CCSAP: variants seen among roughly 807,000 people sequenced by gnomAD.
CCSAP encodes centriole, cilia and spindle-associated protein.
A neutral mutation model predicts 25.9 loss-of-function variants in CCSAP; 17 were observed. The observed-to-expected ratio is 0.66, with a 90% CI of 0.45 to 0.99. The LOEUF is 0.99. Ranked by LOEUF, CCSAP falls within the 50% of genes least tolerant of loss-of-function variation. The pLI is 0.00. For missense variants in CCSAP, 339 were observed against 367.8 expected (o/e 0.92, Z 0.64); for synonymous variants, 169 against 157.1 (o/e 1.08, Z -0.57).
In CCSAP at chr1:229,342,308, C is replaced by A. The variant is rs1311499050; in HGVS notation, c.158G>T (p.Gly53Val). 1 of 1,464,710 alleles carries A rather than the reference C, an allele frequency of 6.8e-7. No homozygotes were observed. Among genetic ancestry groups the A allele is most frequent in the Non-Finnish European group, 9.0e-7 (1 of 1,109,482 alleles). 90.7% of individuals were successfully genotyped at this position (1,464,710 alleles called of 1,614,324 possible). The change falls in exon 2 of 4, where the codon GGC (glycine) becomes GTC (valine). Residue 53 changes from glycine (G) to valine (V), a missense_variant. Gly to Val is a moderately radical substitution (Grantham distance 109). Coordinates refer to ENST00000284617, the MANE Select transcript of CCSAP (RefSeq NM_145257.5). This position sits in a 1 kb window ranked among gnomAD's most constrained non-coding sequence, Gnocchi z 7.5. ...AHAPWLWDDW[G>V]PAGSSEDSAS... is the part of the protein sequence containing the mutation. ...CGAGTCCTCCGAGGAGCCGGCCGGG[C>A]CCCAGTCGTCCCAGAGCCAGGGCGC...
chr1:229,336,360 G>T (rs1031235429), intron 2 of CCSAP, among the ~76,000 whole-genome samples: 3 of 151,848 alleles, frequency 2.0e-5, no homozygotes, highest in African/African-American at 7.3e-5. Context: ...CTAGGGACAG[G>T]AGAAACCAAG....
rs969867088 is a variant in CCSAP, at chr1:229,325,511, G to A, written c.637-100C>T. 4 of 1,075,392 alleles carry A rather than the reference G, an allele frequency of 3.7e-6. No homozygotes were observed. The African/African-American group carries it at 4.7e-5, about 13-fold the overall frequency. 66.6% of individuals were successfully genotyped at this position (1,075,392 alleles called of 1,614,324 possible). A position where few individuals can be genotyped will look rare whatever the true frequency, so the allele number is the denominator to read the frequency against. ...GCTGGCTACTGCCAGGTCAACTGCAGCAGGGCAGAGTCAAGCCCTGCCTCT... is the reference window on the plus strand; with the variant it reads ...GCTGGCTACTGCCAGGTCAACTGCAACAGGGCAGAGTCAAGCCCTGCCTCT... On this transcript the variant is annotated intron_variant, in intron 3 of 3. Transcript: ENST00000284617.
chr1:229,342,166 G>GGCCC lies in CCSAP; in HGVS notation c.296_299dup (p.Pro101GlyfsTer33). 1.5e-6 allele frequency: 2 copies of GGCCC among 1,296,378 alleles called. No homozygotes were observed. The highest frequency in any genetic ancestry group is 2.0e-6 in the Non-Finnish European group (2 of 1,023,282). The allele number at this position is 1,296,378 out of a possible 1,614,324, so 80.3% of individuals were successfully genotyped here. ...CGGCCTCCGCGTCCTGCTCCTCCGG[G>GGCCC]GCCCCGCGCGCCCGCCGTTCCGCCT... On this transcript the variant is annotated frameshift_variant, in exon 2 of 4. Coordinates refer to ENST00000284617, the MANE Select transcript of CCSAP (RefSeq NM_145257.5). LOFTEE classifies it high-confidence loss of function. The surrounding 1 kb of genome is among the most constrained non-coding windows in gnomAD (Gnocchi z 7.5).
At chr1:229,330,769 C>G (rs1180285590) in intron 2 of CCSAP, among the ~76,000 whole-genome samples, 1 of 149,978 alleles carries the variant, frequency 6.7e-6, no homozygotes. Flanking sequence ...AGTGTGAACC[C>G]GGGAGGCGGA....
chr1:229,329,760 G>A (rs1571851613), intron 2 of CCSAP, among the ~76,000 whole-genome samples: 1 of 152,182 alleles, frequency 6.6e-6, no homozygotes, highest in Non-Finnish European at 1.5e-5. Flanking sequence ...GGAGGCCAAC[G>A]AGGGTGGATC....
intron 3 of CCSAP, among the ~76,000 whole-genome samples, chr1:229,326,216 T>G (rs1010097913): frequency 5.3e-5 from 8 of 152,214 alleles, no homozygotes; most frequent in Non-Finnish European, 7.3e-5. Flanking sequence ...GTAAAATGCA[T>G]TTGTTATGGA....
intron 2 of CCSAP, among the ~76,000 whole-genome samples, chr1:229,339,290 AAAGATC>A (rs1658275372): frequency 6.6e-6 from 1 of 152,220 alleles, no homozygotes; most frequent in Non-Finnish European, 1.5e-5. Flanking sequence ...ATTACCTACA[AAAGATC>A]AAGATCAAGA....
At position 229,342,766 on chromosome 1, in the gene CCSAP, G is replaced by T; in HGVS notation, c.-49+146C>A. On this transcript the variant is annotated intron_variant, in intron 1 of 3. Transcript: ENST00000284617. The surrounding 1 kb of genome is among the most constrained non-coding windows in gnomAD (Gnocchi z 7.5). ...AGTGGGCGGAAGGCAGGGAGGCTGC[G>T]GGCTGGGGCGAGGGGACCGCAGGAG... is the stretch of plus-strand genomic sequence containing the variant. The T allele has an allele frequency of 4.4e-6, 1 of 229,348 alleles. No individual in the cohort carries two copies. The highest frequency in any genetic ancestry group is 8.4e-6 in the Non-Finnish European group (1 of 118,466). 14.2% of individuals were successfully genotyped at this position (229,348 alleles called of 1,614,324 possible). A position where few individuals can be genotyped will look rare whatever the true frequency, so the allele number is the denominator to read the frequency against.
intron 3 of CCSAP, among the ~76,000 whole-genome samples, chr1:229,326,206 G>A (rs1410654446): frequency 6.6e-6 from 1 of 152,208 alleles, no homozygotes; most frequent in Non-Finnish European, 1.5e-5. Flanking sequence ...GCTCCTGAGA[G>A]TAAAATGCAT....
At position 229,321,117 on chromosome 1, in the gene CCSAP, T is replaced by G. The variant is rs1449458158; in HGVS notation, c.*4118A>C. On this transcript the variant is annotated 3_prime_UTR_variant, in exon 4 of 4. Coordinates refer to ENST00000284617, the MANE Select transcript of CCSAP (RefSeq NM_145257.5). ...TAGAAAATACAACCCCGAATTATTG[T>G]GTGGCCTGGGCTTTGTGATTATGTG... 2.6e-5 allele frequency: 4 copies of G among 152,238 alleles called. No individual in the cohort carries two copies. The highest frequency in any genetic ancestry group is 5.9e-5 in the Non-Finnish European group (4 of 68,036). The allele number at this position is 152,238 out of a possible 1,614,324, so 9.4% of individuals were successfully genotyped here. A position where few individuals can be genotyped will look rare whatever the true frequency, so the allele number is the denominator to read the frequency against.
intron 2 of CCSAP, among the ~76,000 whole-genome samples, chr1:229,335,366 G>A (rs1212992945): frequency 2.6e-5 from 4 of 151,984 alleles, no homozygotes; most frequent in African/African-American, 7.2e-5. Flanking sequence ...TGCCAGCTTC[G>A]TCAGAAGGCT....
intron 2 of CCSAP, among the ~76,000 whole-genome samples, chr1:229,338,228 T>C (rs1235329815): frequency 6.6e-6 from 1 of 152,108 alleles, no homozygotes; most frequent in African/African-American, 2.4e-5. Context: ...GTAGATAATG[T>C]TCACAATCAA....
At position 229,324,378 on chromosome 1, in the gene CCSAP, A is replaced by G. The variant is rs1367669402; in HGVS notation, c.*857T>C. ...AGAGGCAAAAGTCCACAGTGGGTGT[A>G]TGCCAAAAGGTCAAGTGTGACAAGG... is the stretch of plus-strand genomic sequence containing the variant. On this transcript the variant is annotated 3_prime_UTR_variant, in exon 4 of 4. Coordinates refer to ENST00000284617, the MANE Select transcript of CCSAP (RefSeq NM_145257.5). The G allele has an allele frequency of 6.6e-6, 1 of 151,852 alleles. No homozygotes were observed. Among genetic ancestry groups the G allele is most frequent in the Non-Finnish European group, 1.5e-5 (1 of 67,928 alleles). The allele number at this position is 151,852 out of a possible 1,614,324, so 9.4% of individuals were successfully genotyped here.
chr1:229,339,310 A>T (rs1658275663), intron 2 of CCSAP, among the ~76,000 whole-genome samples: 1 of 152,238 alleles, frequency 6.6e-6, no homozygotes, highest in African/African-American at 2.4e-5. Flanking sequence ...ATCAAGAATC[A>T]TAACGAGGCA....
chr1:229,331,988 G>A (rs1339505386), intron 2 of CCSAP, among the ~76,000 whole-genome samples: 8 of 151,932 alleles, frequency 5.3e-5, no homozygotes, highest in Admixed American at 3.9e-4. Flanking sequence ...GATTACAGGC[G>A]TGGGCCACAA....
intron 2 of CCSAP, among the ~76,000 whole-genome samples, chr1:229,336,662 C>T (rs1015600399): frequency 3.9e-5 from 6 of 152,178 alleles, no homozygotes; most frequent in African/African-American, 1.4e-4. Context: ...TAAATATGAG[C>T]AGACAGGCTA....
At chr1:229,333,422 G>C (rs1422077738) in intron 2 of CCSAP, among the ~76,000 whole-genome samples, 4 of 111,730 alleles carry the variant, frequency 3.6e-5, no homozygotes. Context: ...GACAGAGCGA[G>C]ACTCCATCGA....
At chr1:229,339,286 T>A (rs1357124992) in intron 2 of CCSAP, among the ~76,000 whole-genome samples, 3 of 151,942 alleles carry the variant, frequency 2.0e-5, no homozygotes, top group African/African-American at 4.8e-5. Flanking sequence ...ACACATTACC[T>A]ACAAAAGATC....
chr1:229,334,434 C>T (rs10916467), intron 2 of CCSAP, among the ~76,000 whole-genome samples: 37,684 of 151,824 alleles, frequency 0.25, 4,626 homozygotes, highest in South Asian at 0.28. Context: ...GCAAAACATG[C>T]GTGATGCAGC....
Sources: allele counts gnomAD v4.1 joint callset (sites outside exome capture counted in the v4.1 genomes callset), GRCh38; gene constraint gnomAD v4.1.1; non-coding constraint Gnocchi (gnomAD v3.1); transcripts MANE v1.5; gene names NCBI Gene and HGNC (gene_info 2026-07-23, HGNC 2026-07-21).